The following SLC24A2 variants were observed in gnomAD, a reference collection of about 807,000 sequenced individuals.
SLC24A2 encodes solute carrier family 24 member 2.
SLC24A2 carries 36 observed loss-of-function variants against 62.0 expected under a neutral mutation model. The ratio of observed to expected loss-of-function variants is 0.58; its 90% CI spans 0.44 to 0.77. The LOEUF (loss-of-function observed/expected upper bound fraction) is 0.77, where lower values mean the gene tolerates loss of function less well. SLC24A2 is among the 30% of genes least tolerant of loss of function. The probability of loss-of-function intolerance (pLI) is 0.00; values close to 1 mark genes in which losing one functional copy is unlikely to be tolerated. For missense variants in SLC24A2, 846 were observed against 817.9 expected, an observed-to-expected ratio of 1.03 and a Z score of -0.42; for synonymous variants, 358 against 294.0, an observed-to-expected ratio of 1.22 and a Z score of -2.23.
the SLC24A2 span, among the ~76,000 whole-genome samples, chr9:19,887,420 T>C: frequency 6.6e-6 from 1 of 152,128 alleles, no homozygotes; most frequent in African/African-American, 2.4e-5. Flanking sequence ...CAAAAGAAGA[T>C]ATGCAAATGG....
At chr9:20,247,477 G>A in the SLC24A2 span, among the ~76,000 whole-genome samples, 3 of 152,192 alleles carry the variant, frequency 2.0e-5, no homozygotes, top group Non-Finnish European at 4.4e-5. Context: ...CCCCATGGAT[G>A]AGACTAGTGC....
intron 2 of SLC24A2, among the ~76,000 whole-genome samples, chr9:19,711,107 A>G (rs1048508268): frequency 1.3e-5 from 2 of 152,208 alleles, no homozygotes; most frequent in Admixed American, 1.3e-4. Flanking sequence ...AGGTCTGGGA[A>G]TTCTTGAGGG....
chr9:19,873,903 C>A, the SLC24A2 span, among the ~76,000 whole-genome samples: 2 of 152,082 alleles, frequency 1.3e-5, no homozygotes, highest in African/African-American at 4.8e-5. Context: ...AAAAACAACA[C>A]TTATTGGCTG....
At chr9:19,520,802 T>C (rs1012802029) in intron 10 of SLC24A2, 92 bp downstream of exon 10, 1 of 1,224,558 alleles carries the variant, frequency 8.2e-7, no homozygotes, top group Non-Finnish European at 1.2e-6. Flanking sequence ...TAGTCTTAGG[T>C]TCAGAGATCC....
the SLC24A2 span, among the ~76,000 whole-genome samples, chr9:20,009,094 C>G: frequency 6.6e-6 from 1 of 152,168 alleles, no homozygotes. Context: ...ACAAAGAATT[C>G]TGGACTCATG....
chr9:19,633,113 C>G (rs1447192652), intron 2 of SLC24A2, among the ~76,000 whole-genome samples: 1 of 152,132 alleles, frequency 6.6e-6, no homozygotes, highest in Non-Finnish European at 1.5e-5. Flanking sequence ...TCCTTAGGGT[C>G]TAAGTTATTG....
the SLC24A2 span, among the ~76,000 whole-genome samples, chr9:20,003,188 G>A: frequency 2.6e-5 from 4 of 152,120 alleles, no homozygotes; most frequent in Non-Finnish European, 5.9e-5. Flanking sequence ...ATAATATATG[G>A]CAACTAACCA....
the SLC24A2 span, among the ~76,000 whole-genome samples, chr9:19,969,338 A>C: frequency 6.6e-6 from 1 of 152,110 alleles, no homozygotes; most frequent in Non-Finnish European, 1.5e-5. Context: ...TGGCTCAGTG[A>C]CATTCCCTCA....
intron 5 of SLC24A2, among the ~76,000 whole-genome samples, chr9:19,582,887 T>C (rs1380454238): frequency 6.6e-6 from 1 of 152,002 alleles, no homozygotes; most frequent in Non-Finnish European, 1.5e-5. Context: ...GACCACTTTT[T>C]CCTTCCACCC....
the SLC24A2 span, among the ~76,000 whole-genome samples, chr9:19,994,283 GC>G: frequency 4.7e-4 from 71 of 152,068 alleles, 1 homozygote; most frequent in African/African-American, 1.7e-3. Context: ...GTGACCATTG[GC>G]AAAAAACAAA....
the SLC24A2 span, among the ~76,000 whole-genome samples, chr9:20,069,991 T>C: frequency 1.3e-5 from 2 of 152,378 alleles, no homozygotes; most frequent in African/African-American, 4.8e-5. Context: ...GACCTTATTA[T>C]GCCACCGTCT....
the SLC24A2 span, among the ~76,000 whole-genome samples, chr9:20,272,526 CTGAA>C: frequency 6.6e-6 from 1 of 152,182 alleles, no homozygotes; most frequent in Non-Finnish European, 1.5e-5. Flanking sequence ...CTATGCTTCT[CTGAA>C]TGAGATGATT....
intron 2 of SLC24A2, among the ~76,000 whole-genome samples, chr9:19,702,255 C>T (rs570411171): frequency 3.3e-5 from 5 of 152,208 alleles, no homozygotes; most frequent in Non-Finnish European, 5.9e-5. Context: ...ATTCTCTGTA[C>T]ACTTGGTGCT....
the SLC24A2 span, among the ~76,000 whole-genome samples, chr9:20,115,248 G>A: frequency 1.3e-5 from 2 of 152,112 alleles, no homozygotes; most frequent in Admixed American, 6.6e-5. Context: ...GAGAATAGAT[G>A]AAATTCTGCC....
upstream of SLC24A2, among the ~76,000 whole-genome samples, chr9:19,791,581 G>C (rs571852210): frequency 6.6e-6 from 1 of 152,312 alleles, no homozygotes; most frequent in East Asian, 1.9e-4. Context: ...CACAACAGTT[G>C]AGAAGGCTAC....
chr9:20,059,583 A>C, the SLC24A2 span, among the ~76,000 whole-genome samples: 3 of 152,190 alleles, frequency 2.0e-5, no homozygotes, highest in Non-Finnish European at 2.9e-5. Flanking sequence ...GGCAATTAGA[A>C]AATACTTTGA....
the SLC24A2 span, among the ~76,000 whole-genome samples, chr9:19,994,192 G>T: frequency 2.1e-3 from 320 of 152,218 alleles, 2 homozygotes; most frequent in African/African-American, 7.2e-3. Flanking sequence ...AATCTCCTTC[G>T]TCAGGGAAAG....
At chr9:20,108,033 T>C in the SLC24A2 span, among the ~76,000 whole-genome samples, 3 of 151,850 alleles carry the variant, frequency 2.0e-5, no homozygotes, top group African/African-American at 7.3e-5. Context: ...CAAAAAGTGG[T>C]TGAAGGACAT....
the SLC24A2 span, among the ~76,000 whole-genome samples, chr9:20,097,399 G>T: frequency 6.6e-6 from 1 of 152,244 alleles, no homozygotes; most frequent in South Asian, 2.1e-4. Context: ...AACAAATTTA[G>T]TCTTCAGTAT....
Sources: allele counts gnomAD v4.1 joint callset (sites outside exome capture counted in the v4.1 genomes callset), GRCh38; gene constraint gnomAD v4.1.1; transcripts MANE v1.5; gene names NCBI Gene and HGNC (gene_info 2026-07-23, HGNC 2026-07-21).